MGAT4C: variants seen among roughly 807,000 people sequenced by gnomAD.
The protein encoded by MGAT4C is alpha-1,3-mannosyl-glycoprotein 4-beta-N-acetylglucosaminyltransferase C.
In MGAT4C, 19 loss-of-function variants were observed where a neutral mutation model predicts 40.1. That is an observed-to-expected ratio of 0.47 (90% confidence interval 0.33 to 0.70). MGAT4C has a LOEUF of 0.70. Ranked by LOEUF, MGAT4C falls within the 30% of genes least tolerant of loss-of-function variation. The pLI is 0.02. For missense variants in MGAT4C, 491 were observed against 563.2 expected (o/e 0.87, Z 1.30); for synonymous variants, 181 against 187.1 (o/e 0.97, Z 0.27).
chr12:86,049,264 A>G (rs1243821083), intron 2 of MGAT4C, among the ~76,000 whole-genome samples: 1 of 151,892 alleles, frequency 6.6e-6, no homozygotes, highest in Non-Finnish European at 1.5e-5. Flanking sequence ...TTTTAGGAGA[A>G]AGTTACCAAT....
At chr12:86,495,348 C>T (rs1958218408) in intron 2 of MGAT4C, 2 of 152,104 alleles carry the variant, frequency 1.3e-5, no homozygotes, top group Non-Finnish European at 2.9e-5. Flanking sequence ...TTGACATTGT[C>T]TGTAATATTT....
intron 1 of MGAT4C, among the ~76,000 whole-genome samples, chr12:86,192,228 A>G (rs1450891579): frequency 6.6e-6 from 1 of 152,076 alleles, no homozygotes; most frequent in Non-Finnish European, 1.5e-5. Context: ...TGTACCCTAG[A>G]ACCTAAAGTA....
intron 1 of MGAT4C, among the ~76,000 whole-genome samples, chr12:86,247,818 A>T (rs1475395908): frequency 6.6e-6 from 1 of 152,170 alleles, no homozygotes; most frequent in Non-Finnish European, 1.5e-5. Flanking sequence ...TTTTGTTATT[A>T]TCCTGTACGT....
chr12:86,560,551 C>G (rs1468333293), intron 2 of MGAT4C, among the ~76,000 whole-genome samples: 1 of 152,086 alleles, frequency 6.6e-6, no homozygotes, highest in East Asian at 1.9e-4. Flanking sequence ...ATGACCATCT[C>G]AATAGATGTA....
intron 2 of MGAT4C, among the ~76,000 whole-genome samples, chr12:86,634,545 C>T (rs1963157962): frequency 6.6e-6 from 1 of 152,076 alleles, no homozygotes; most frequent in Non-Finnish European, 1.5e-5. Flanking sequence ...CCTTTTGGAG[C>T]TCAGAGCTCT....
At chr12:86,447,945 A>T (rs1470461481) in intron 2 of MGAT4C, among the ~76,000 whole-genome samples, 1 of 152,068 alleles carries the variant, frequency 6.6e-6, no homozygotes, top group Non-Finnish European at 1.5e-5. Context: ...ATTTTCCTTC[A>T]GCAATTCTGA....
chr12:86,322,521 G>A (rs11103926), intron 4 of MGAT4C, among the ~76,000 whole-genome samples: 34,380 of 151,840 alleles, frequency 0.23, 4,091 homozygotes, highest in East Asian at 0.34. Flanking sequence ...TTTCTAAGAG[G>A]ATGAAGCCAA....
At chr12:86,079,531 G>T (rs1870425647) in intron 1 of MGAT4C, among the ~76,000 whole-genome samples, 1 of 152,084 alleles carries the variant, frequency 6.6e-6, no homozygotes, top group Non-Finnish European at 1.5e-5. Flanking sequence ...ACAGCCATTG[G>T]TCATCATTAA....
chr12:86,821,889 T>C (rs764864394), intron 1 of MGAT4C, among the ~76,000 whole-genome samples: 7 of 151,024 alleles, frequency 4.6e-5, no homozygotes, highest in Non-Finnish European at 1.0e-4. Flanking sequence ...ATTCTTTATC[T>C]AGCCATTGCT....
chr12:86,397,907 G>C (rs986370639), intron 3 of MGAT4C, among the ~76,000 whole-genome samples: 1 of 152,274 alleles, frequency 6.6e-6, no homozygotes, highest in Admixed American at 6.5e-5. Flanking sequence ...AAGCTGCAGT[G>C]AGCTATGATC....
intron 2 of MGAT4C, among the ~76,000 whole-genome samples, chr12:86,574,495 A>G (rs935140055): frequency 6.6e-6 from 1 of 151,750 alleles, no homozygotes; most frequent in African/African-American, 2.4e-5. Flanking sequence ...TCTTATAATT[A>G]TATTAGTTTT....
At chr12:86,131,689 T>G (rs1881203526) in intron 1 of MGAT4C, among the ~76,000 whole-genome samples, 1 of 152,076 alleles carries the variant, frequency 6.6e-6, no homozygotes, top group Non-Finnish European at 1.5e-5. Context: ...TTATGATAAT[T>G]TACTGATAAT....
At chr12:86,504,283 C>T (rs1049300936) in intron 2 of MGAT4C, among the ~76,000 whole-genome samples, 1 of 152,050 alleles carries the variant, frequency 6.6e-6, no homozygotes. Context: ...AAATTCCACA[C>T]CTGGGCATAT....
At chr12:86,127,166 C>T (rs1056760782) in intron 1 of MGAT4C, among the ~76,000 whole-genome samples, 1 of 152,080 alleles carries the variant, frequency 6.6e-6, no homozygotes, top group African/African-American at 2.4e-5. Context: ...GGTTAGGGAC[C>T]CCTGGTATAG....
chr12:86,585,584 T>C (rs893093098), intron 2 of MGAT4C, among the ~76,000 whole-genome samples: 1 of 151,486 alleles, frequency 6.6e-6, no homozygotes, highest in Non-Finnish European at 1.5e-5. Flanking sequence ...TAATGAACCA[T>C]GTGATGACTT....
chr12:86,007,774 T>C (rs1213850718), intron 2 of MGAT4C, among the ~76,000 whole-genome samples: 7 of 152,232 alleles, frequency 4.6e-5, no homozygotes, highest in African/African-American at 1.4e-4. Context: ...ATTGCTTTTG[T>C]GTATTCTAAC....
At chr12:86,671,045 A>G (rs1964244231) in intron 2 of MGAT4C, among the ~76,000 whole-genome samples, 2 of 152,262 alleles carry the variant, frequency 1.3e-5, no homozygotes, top group African/African-American at 4.8e-5. Context: ...TTTACAAAAT[A>G]TAGTCATTCT....
chr12:86,628,215 C>G (rs1013746445), intron 2 of MGAT4C, among the ~76,000 whole-genome samples: 1 of 151,966 alleles, frequency 6.6e-6, no homozygotes, highest in Non-Finnish European at 1.5e-5. Context: ...TAAAAAGAAA[C>G]AAACAAAGCC....
intron 1 of MGAT4C, among the ~76,000 whole-genome samples, chr12:86,771,722 GTA>G (rs969948638): frequency 1.3e-3 from 150 of 119,952 alleles, no homozygotes; most frequent in African/African-American, 4.6e-3. Context: ...GTGTGTGTGT[GTA>G]TGTGTGTGTG....
Sources: allele counts gnomAD v4.1 joint callset (sites outside exome capture counted in the v4.1 genomes callset), GRCh38; gene constraint gnomAD v4.1.1; transcripts MANE v1.5; gene names NCBI Gene and HGNC (gene_info 2026-07-23, HGNC 2026-07-21).